The following SCHIP1 variants were observed in gnomAD, a reference collection of about 807,000 sequenced individuals.
SCHIP1 encodes schwannomin interacting protein 1.
A neutral mutation model predicts 29.7 loss-of-function variants in SCHIP1; 8 were observed. The observed-to-expected ratio is 0.27, with a 90% CI of 0.16 to 0.49. The LOEUF (loss-of-function observed/expected upper bound fraction) is 0.49. Among genes scored for constraint, SCHIP1 ranks in the 20% least tolerant of loss-of-function variants. The pLI is 0.99. For missense variants in SCHIP1, 193 were observed against 294.6 expected, an observed-to-expected ratio of 0.66 and a Z score of 2.52; for synonymous variants, 76 against 94.9, an observed-to-expected ratio of 0.80 and a Z score of 1.16.
At chr3:159,455,122 T>C in the SCHIP1 span, among the ~76,000 whole-genome samples, 1 of 152,220 alleles carries the variant, frequency 6.6e-6, no homozygotes, top group East Asian at 1.9e-4. Flanking sequence ...TTTTCCCAGC[T>C]ACCAGGAGAT....
At chr3:159,490,707 A>T in the SCHIP1 span, among the ~76,000 whole-genome samples, 1 of 152,228 alleles carries the variant, frequency 6.6e-6, no homozygotes, top group East Asian at 1.9e-4. Context: ...TATGGAGAGG[A>T]GATAAATTCT....
the SCHIP1 span, among the ~76,000 whole-genome samples, chr3:159,427,063 C>A: frequency 1.3e-5 from 2 of 152,122 alleles, no homozygotes; most frequent in Admixed American, 6.6e-5. Context: ...CTATGACAAA[C>A]CCACAGCCAA....
chr3:159,348,993 G>A, the SCHIP1 span, among the ~76,000 whole-genome samples: 1 of 152,172 alleles, frequency 6.6e-6, no homozygotes, highest in African/African-American at 2.4e-5. Context: ...GTCTGGCTGA[G>A]TTTTCCAGAA....
chr3:159,775,210 T>G, the SCHIP1 span, among the ~76,000 whole-genome samples: 1 of 152,252 alleles, frequency 6.6e-6, no homozygotes, highest in Non-Finnish European at 1.5e-5. Flanking sequence ...TCTTAGTTAT[T>G]CACAGAGTTA....
At chr3:159,394,242 C>A in the SCHIP1 span, among the ~76,000 whole-genome samples, 380 of 151,066 alleles carry the variant, frequency 2.5e-3, no homozygotes, top group Non-Finnish European at 4.5e-3. Context: ...TCTAGATATA[C>A]AATCATGTCG....
At chr3:159,274,944 A>C in the SCHIP1 span, 2 of 978,462 alleles carry the variant, frequency 2.0e-6, no homozygotes, top group African/African-American at 3.5e-5. Flanking sequence ...TTGACCTCCA[A>C]TTCAAATATA....
At chr3:159,428,993 C>T in the SCHIP1 span, among the ~76,000 whole-genome samples, 3 of 138,060 alleles carry the variant, frequency 2.2e-5, no homozygotes, top group African/African-American at 5.5e-5. Context: ...GGGAATTGAA[C>T]AATGAGAACA....
At chr3:159,404,954 CT>C in the SCHIP1 span, among the ~76,000 whole-genome samples, 1 of 152,170 alleles carries the variant, frequency 6.6e-6, no homozygotes, top group African/African-American at 2.4e-5. Flanking sequence ...AAACACTCTA[CT>C]TTTTTGGGAG....
chr3:159,855,829 G>A (rs1242788635), intron 1 of SCHIP1, among the ~76,000 whole-genome samples: 1 of 152,104 alleles, frequency 6.6e-6, no homozygotes, highest in Non-Finnish European at 1.5e-5. Flanking sequence ...TTGTTTTAAA[G>A]TCAGACAAAC....
chr3:159,697,101 A>G, the SCHIP1 span, among the ~76,000 whole-genome samples: 1 of 152,146 alleles, frequency 6.6e-6, no homozygotes, highest in Non-Finnish European at 1.5e-5. Context: ...AGATGCAGGG[A>G]GGCTAATTGG....
the SCHIP1 span, among the ~76,000 whole-genome samples, chr3:159,772,084 C>T: frequency 2.6e-5 from 4 of 152,190 alleles, no homozygotes; most frequent in African/African-American, 9.6e-5. Flanking sequence ...TGACAGAAAT[C>T]TTACACCTGA....
chr3:159,432,061 C>A, the SCHIP1 span, among the ~76,000 whole-genome samples: 8 of 152,042 alleles, frequency 5.3e-5, no homozygotes, highest in African/African-American at 1.9e-4. Flanking sequence ...CTAGAAGTAG[C>A]TTGTATGGGT....
chr3:159,412,106 T>C, the SCHIP1 span, among the ~76,000 whole-genome samples: 190 of 152,366 alleles, frequency 1.2e-3, 3 homozygotes, highest in South Asian at 0.031. Flanking sequence ...AAGTAGTTAC[T>C]GTTATCCATA....
chr3:159,544,257 T>A, the SCHIP1 span, among the ~76,000 whole-genome samples: 4 of 152,108 alleles, frequency 2.6e-5, no homozygotes, highest in African/African-American at 9.7e-5. Context: ...GTAATCTTTT[T>A]AAAATTTTTA....
the SCHIP1 span, among the ~76,000 whole-genome samples, chr3:159,796,877 A>G: frequency 6.6e-6 from 1 of 152,194 alleles, no homozygotes; most frequent in Non-Finnish European, 1.5e-5. Flanking sequence ...TTTCTGGACA[A>G]GCACCACAGT....
chr3:159,392,417 C>T, the SCHIP1 span, among the ~76,000 whole-genome samples: 53 of 152,034 alleles, frequency 3.5e-4, no homozygotes, highest in African/African-American at 1.2e-3. Flanking sequence ...CCCACTAACT[C>T]GTCATCTAGC....
intron 1 of SCHIP1, among the ~76,000 whole-genome samples, chr3:159,843,726 T>C (rs753401750): frequency 2.7e-5 from 4 of 145,868 alleles, no homozygotes; most frequent in Non-Finnish European, 5.9e-5. Flanking sequence ...GGGAGGCTGA[T>C]GCAGGAGAAT....
the SCHIP1 span, among the ~76,000 whole-genome samples, chr3:159,474,584 T>C: frequency 6.6e-6 from 1 of 152,100 alleles, no homozygotes; most frequent in Non-Finnish European, 1.5e-5. Flanking sequence ...TAATAGAATA[T>C]ATGTAAATAC....
chr3:159,778,136 C>T, the SCHIP1 span, among the ~76,000 whole-genome samples: 48 of 152,036 alleles, frequency 3.2e-4, no homozygotes, highest in Admixed American at 3.1e-3. Flanking sequence ...CGCCCGCCAG[C>T]GCGCCTGCCA....
Sources: gnomAD v4.1 joint callset for allele counts (sites outside exome capture counted in the v4.1 genomes callset) on GRCh38, gnomAD v4.1.1 for gene constraint, MANE v1.5 for transcripts, NCBI Gene and HGNC (gene_info 2026-07-23, HGNC 2026-07-21) for gene names.